The following SCUBE2 variants were observed in gnomAD, a reference collection of about 807,000 sequenced individuals.
SCUBE2 encodes signal peptide, CUB and EGF-like domain-containing protein 2.
SCUBE2 carries 114 observed loss-of-function variants against 125.9 expected under a neutral mutation model. That is an observed-to-expected ratio of 0.91 (90% CI 0.78 to 1.06). SCUBE2 has a LOEUF of 1.06. SCUBE2 is among the 50% of genes least tolerant of loss of function. SCUBE2 has a pLI of 0.00. For synonymous variants in SCUBE2, 459 were observed against 492.9 expected, an observed-to-expected ratio of 0.93 and a Z score of 0.91; for missense variants, 1,255 against 1,301.8, an observed-to-expected ratio of 0.96 and a Z score of 0.55.
At chr11:9,043,862 C>T (rs1470034052) in intron 16 of SCUBE2, among the ~76,000 whole-genome samples, 1 of 149,238 alleles carries the variant, frequency 6.7e-6, no homozygotes, top group Admixed American at 6.7e-5. Flanking sequence ...GATAAATAAT[C>T]CATGTTAGCA....
At chr11:9,021,996 G>GA in intron 21 of SCUBE2, 41 bp from the exon 22 acceptor site, 1 of 1,462,482 alleles carries the variant, frequency 6.8e-7, no homozygotes, top group Non-Finnish European at 9.6e-7. Context: ...TTATGATTTA[G>GA]TTGCTTCCAA....
At chr11:9,073,242 C>A (rs745704352) in intron 4 of SCUBE2, among the ~76,000 whole-genome samples, 8 of 152,288 alleles carry the variant, frequency 5.3e-5, no homozygotes, top group Admixed American at 2.0e-4. Context: ...CCCCAGAGAA[C>A]CTGGCAGGAA....
In SCUBE2 at chr11:9,059,402, T is replaced by G. The variant is rs142242649; in HGVS notation, c.991A>C (p.Asn331His). 2.6e-4 allele frequency: 425 copies of G among 1,614,186 alleles called. 1 individual carries two copies. The African/African-American group carries it at 4.7e-3, about 18-fold the overall frequency. The change falls in exon 9 of 23, where the codon AAT becomes CAT. Residue 331 changes from asparagine to histidine, a missense_variant. Transcript: ENST00000649792. ...CKDIDECQTR[N>H]GGCDHFCKNI... ...TTGCAGAAATGATCACAACCTCCAT[T>G]GCGGGTCTGGCACTCATCAATATCT...
chr11:9,086,472 A>G (rs561742727), intron 2 of SCUBE2, among the ~76,000 whole-genome samples: 1 of 152,316 alleles, frequency 6.6e-6, no homozygotes, highest in Admixed American at 6.5e-5. Flanking sequence ...TACATCTTTG[A>G]ATCCTTGCAA....
chr11:9,083,514 GTTGGAGAAAGT>G (rs1196834023), intron 2 of SCUBE2, among the ~76,000 whole-genome samples: 1 of 151,886 alleles, frequency 6.6e-6, no homozygotes, highest in African/African-American at 2.4e-5. Flanking sequence ...ATTTCTCACT[GTTGGAGAAAGT>G]TACGAATAAG....
chr11:9,039,975 G>A (rs1261216807), intron 16 of SCUBE2, among the ~76,000 whole-genome samples: 1 of 152,234 alleles, frequency 6.6e-6, no homozygotes, highest in Non-Finnish European at 1.5e-5. Context: ...ACTGAAGGGC[G>A]TAAACGTGAC....
intron 9 of SCUBE2, among the ~76,000 whole-genome samples, chr11:9,058,133 C>A (rs1859283089): frequency 6.6e-6 from 1 of 152,166 alleles, no homozygotes; most frequent in African/African-American, 2.4e-5. Context: ...CCCTCTCTGC[C>A]TTCCCTCTCT....
chr11:9,043,991 A>G (rs535859914), intron 16 of SCUBE2, among the ~76,000 whole-genome samples: 1 of 152,308 alleles, frequency 6.6e-6, no homozygotes, highest in South Asian at 2.1e-4. Context: ...CGGCCATTGT[A>G]CTTTTGCAAG....
At chr11:9,044,415 T>G (rs776944403) in intron 16 of SCUBE2, among the ~76,000 whole-genome samples, 2 of 151,922 alleles carry the variant, frequency 1.3e-5, no homozygotes, top group African/African-American at 2.4e-5. Context: ...ACCAACATAG[T>G]GAGACAGAGT....
intron 1 of SCUBE2, chr11:9,090,481 A>AT (rs1430056399): frequency 1.0e-3 from 50 of 49,638 alleles, no homozygotes; most frequent in Non-Finnish European, 1.6e-3. Context: ...TTTTTTATTT[A>AT]TTTATTTATT....
chr11:9,032,672 G>A (rs1856417773), intron 17 of SCUBE2, among the ~76,000 whole-genome samples: 1 of 152,166 alleles, frequency 6.6e-6, no homozygotes, highest in Non-Finnish European at 1.5e-5. Flanking sequence ...GGTGGAGGTT[G>A]CAGTGAGCCG....
At chr11:9,024,440 C>T (rs1304914943) in intron 21 of SCUBE2, 5 of 1,276,976 alleles carry the variant, frequency 3.9e-6, no homozygotes, top group Non-Finnish European at 5.1e-6. Context: ...ATGATCCGTG[C>T]TTTTGTTACT....
chr11:9,044,318 T>C (rs1260494424), intron 16 of SCUBE2, among the ~76,000 whole-genome samples: 5 of 152,170 alleles, frequency 3.3e-5, no homozygotes, highest in Non-Finnish European at 7.3e-5. Flanking sequence ...AGTGACACAA[T>C]CATAGCTCAC....
intron 4 of SCUBE2, among the ~76,000 whole-genome samples, chr11:9,070,864 C>T (rs1112322): frequency 2.0e-5 from 3 of 152,234 alleles, no homozygotes; most frequent in African/African-American, 7.2e-5. Flanking sequence ...CCCTCTTGCT[C>T]TTTTGCCTGA....
At chr11:9,024,144 G>A in intron 21 of SCUBE2, 1 of 963,696 alleles carries the variant, frequency 1.0e-6, no homozygotes, top group Non-Finnish European at 1.3e-6. Flanking sequence ...TTCCCCAGTT[G>A]GAGCTACAAC....
At chr11:9,036,375 A>T (rs1566176447) in intron 16 of SCUBE2, among the ~76,000 whole-genome samples, 1 of 152,156 alleles carries the variant, frequency 6.6e-6, no homozygotes, top group Non-Finnish European at 1.5e-5. Context: ...GCTGGGCTGA[A>T]TTCTGTATTA....
chr11:9,023,931 T>C (rs993564450), intron 21 of SCUBE2, among the ~76,000 whole-genome samples: 2 of 152,126 alleles, frequency 1.3e-5, no homozygotes, highest in Admixed American at 6.5e-5. Context: ...CAGCCTCATG[T>C]GCACCTTCTA....
chr11:9,074,386 C>T (rs766679626), intron 4 of SCUBE2, 95 bp downstream of exon 4: 19 of 1,483,972 alleles, frequency 1.3e-5, no homozygotes, highest in Admixed American at 1.9e-5. Context: ...TTTCTATACC[C>T]TGTGCTTCCC....
intron 13 of SCUBE2, 82 bp from the exon 14 acceptor site, chr11:9,050,792 T>C (rs1170955638): frequency 2.8e-5 from 30 of 1,090,124 alleles, no homozygotes; most frequent in African/African-American, 3.1e-5. Context: ...AAGCTGTCCA[T>C]TGGTGGCTTC....
Sources: gnomAD v4.1 joint callset for allele counts (sites outside exome capture counted in the v4.1 genomes callset) on GRCh38, gnomAD v4.1.1 for gene constraint, MANE v1.5 for transcripts, NCBI Gene and HGNC (gene_info 2026-07-23, HGNC 2026-07-21) for gene names.